Variants in PEX7 observed in about 807,000 individuals in gnomAD.
PEX7 encodes PTS2 receptor.
In PEX7, 34 loss-of-function variants were observed where a neutral mutation model predicts 47.5. The ratio of observed to expected loss-of-function variants is 0.72; its 90% CI spans 0.54 to 0.95. The LOEUF (loss-of-function observed/expected upper bound fraction) is 0.95. Ranked by LOEUF, PEX7 falls within the 40% of genes least tolerant of loss-of-function variation. The probability of loss-of-function intolerance (pLI) is 0.00; values close to 1 mark genes in which losing one functional copy is unlikely to be tolerated. For synonymous variants in PEX7, 141 were observed against 148.8 expected (o/e 0.95, Z 0.38); for missense variants, 394 against 400.3 (o/e 0.98, Z 0.13).
chr6:136,897,303 G>C (rs922469282), intron 8 of PEX7, among the ~76,000 whole-genome samples: 1 of 152,174 alleles, frequency 6.6e-6, no homozygotes, highest in Non-Finnish European at 1.5e-5. Context: ...ATATGACTCT[G>C]TGATCCTGAA....
At chr6:136,832,975 C>T (rs1340410313) in intron 3 of PEX7, among the ~76,000 whole-genome samples, 1 of 152,244 alleles carries the variant, frequency 6.6e-6, no homozygotes, top group Non-Finnish European at 1.5e-5. Context: ...AGCCCTCACA[C>T]TGTTCCAGCC....
Position 136,858,102 on chromosome 6 carries a change from C to G in PEX7, c.527-8525C>G, listed in dbSNP as rs572210212. Among the ~76,000 whole-genome samples the G allele has an allele frequency of 1.4e-4, 21 of 152,360 alleles. No homozygotes were observed. The South Asian group carries it at 3.5e-3, about 26-fold the overall frequency. On this transcript the variant is annotated intron_variant, in intron 5 of 9. Coordinates refer to ENST00000318471, the MANE Select transcript of PEX7 (RefSeq NM_000288.4). ...AAAGTGCTGGGATTACAGGCATGAG[C>G]CACTGCACCCGACCTTAAGTATTAC...
rs952687812 is a variant in PEX7 at position 136,860,014 on chromosome 6, G to GA, written c.527-6600dup. On this transcript the variant is annotated intron_variant, in intron 5 of 9. Transcript: ENST00000318471. ...GGTGACAGAGTTAGACTCTGTCTCA[G>GA]AAAAAAAAAAAAAGAAAAAAAAATT... Among the ~76,000 whole-genome samples, 731 of 129,592 alleles carry GA rather than the reference G, an allele frequency of 5.6e-3. 13 individuals are homozygous for GA. The highest frequency in any genetic ancestry group is 0.045 in the South Asian group (186 of 4,130). The allele number at this position is 129,592 out of a possible 152,430, so 85.0% of individuals were successfully genotyped here. A position where few individuals can be genotyped will look rare whatever the true frequency, so the allele number is the denominator to read the frequency against.
At chr6:136,896,264 C>T (rs1775648923) in intron 8 of PEX7, among the ~76,000 whole-genome samples, 2 of 152,132 alleles carry the variant, frequency 1.3e-5, no homozygotes, top group South Asian at 2.1e-4. Context: ...GAATATTTAG[C>T]GTATCCATTC....
intron 9 of PEX7, among the ~76,000 whole-genome samples, chr6:136,911,618 G>T (rs1582785367): frequency 6.6e-6 from 1 of 152,014 alleles, no homozygotes; most frequent in Non-Finnish European, 1.5e-5. Context: ...TGGTGCCCAG[G>T]CTGGTCTCAA....
At chr6:136,844,491 T>C (rs1322203130) in intron 3 of PEX7, among the ~76,000 whole-genome samples, 1 of 152,228 alleles carries the variant, frequency 6.6e-6, no homozygotes, top group Non-Finnish European at 1.5e-5. Flanking sequence ...GTTACCATTT[T>C]CTTGTGTGTG....
At chr6:136,862,820 T>C (rs904695029) in intron 5 of PEX7, among the ~76,000 whole-genome samples, 2 of 152,188 alleles carry the variant, frequency 1.3e-5, no homozygotes, top group Middle Eastern at 3.2e-3. Context: ...TGGTCTTGCC[T>C]GGACCTGCCT....
At chr6:136,858,774 G>T (rs984765979) in intron 5 of PEX7, among the ~76,000 whole-genome samples, 1 of 152,148 alleles carries the variant, frequency 6.6e-6, no homozygotes, top group Non-Finnish European at 1.5e-5. Flanking sequence ...TTTCAGTGCC[G>T]AATTCAGAGA....
At chr6:136,823,404 T>C in intron 1 of PEX7, 1 of 962,744 alleles carries the variant, frequency 1.0e-6, no homozygotes, top group South Asian at 4.8e-5. Context: ...CTCCAGTTAA[T>C]TGTCTCCCGT....
chr6:136,846,080 C>T lies in PEX7; in HGVS notation c.425C>T (p.Pro142Leu). The T allele has an allele frequency of 6.2e-7, 1 of 1,605,248 alleles. No individual in the cohort carries two copies. Among genetic ancestry groups the T allele is most frequent in the Admixed American group, 1.7e-5 (1 of 59,972 alleles). Residue 142 changes from proline (P) to leucine (L), a missense_variant, in exon 5 of 10, where the codon CCA (proline) becomes CTA (leucine). Coordinates refer to ENST00000318471, the MANE Select transcript of PEX7 (RefSeq NM_000288.4). ...CTATTCATTTATTTGTAGTGGGATC[C>T]AACTGTTGGAAAGTCTCTGTGCACC... ...SWDQTVKLWD[P>L]TVGKSLCTFR...
chr6:136,864,315 TAAA>T (rs3041780), intron 5 of PEX7, among the ~76,000 whole-genome samples: 3 of 151,114 alleles, frequency 2.0e-5, no homozygotes, highest in East Asian at 1.9e-4. Flanking sequence ...TTTTTTCTCA[TAAA>T]AAAAAAACAC....
intron 5 of PEX7, among the ~76,000 whole-genome samples, chr6:136,858,709 A>G (rs1200894034): frequency 2.6e-5 from 4 of 152,212 alleles, no homozygotes; most frequent in African/African-American, 9.6e-5. Flanking sequence ...TGGGAATTGC[A>G]TGTCTGTTTT....
intron 9 of PEX7, among the ~76,000 whole-genome samples, chr6:136,912,757 A>G (rs919700975): frequency 6.6e-6 from 1 of 152,234 alleles, no homozygotes; most frequent in Admixed American, 6.5e-5. Context: ...AAACGAGTAT[A>G]TAGAAACACA....
chr6:136,897,224 T>C (rs1368926981), intron 8 of PEX7, among the ~76,000 whole-genome samples: 2 of 152,216 alleles, frequency 1.3e-5, no homozygotes, highest in African/African-American at 2.4e-5. Flanking sequence ...GTGTATTTAC[T>C]CTCTTTCAAA....
At chr6:136,831,997 A>T (rs1206016037) in intron 3 of PEX7, among the ~76,000 whole-genome samples, 1 of 152,236 alleles carries the variant, frequency 6.6e-6, no homozygotes, top group Non-Finnish European at 1.5e-5. Context: ...CAACTCCAGT[A>T]GGCAGTGCCC....
chr6:136,875,495 C>A (rs1775255029), intron 8 of PEX7, among the ~76,000 whole-genome samples: 1 of 152,116 alleles, frequency 6.6e-6, no homozygotes, highest in Admixed American at 6.5e-5. Context: ...ACTTTTATTG[C>A]ATTAAAATCA....
chr6:136,843,220 C>T lies in PEX7; in HGVS notation c.340-2395C>T, dbSNP rs546024420. Among the ~76,000 whole-genome samples, 61 of 152,192 alleles carry T rather than the reference C, an allele frequency of 4.0e-4. 2 individuals carry two copies. Among genetic ancestry groups the T allele is most frequent in the Admixed American group, 3.3e-3 (50 of 15,284 alleles). ...GGACTCTGGACAAGTTACTTAACCT[C>T]TCTGGGCCTTGATATAGTATCTACT... On this transcript the variant is annotated intron_variant, in intron 3 of 9. Transcript: ENST00000318471.
intron 5 of PEX7, among the ~76,000 whole-genome samples, chr6:136,846,510 C>T: frequency 6.6e-6 from 1 of 151,734 alleles, no homozygotes; most frequent in East Asian, 1.9e-4. Context: ...CACCCCATGA[C>T]AGGCCCCGGT....
intron 5 of PEX7, among the ~76,000 whole-genome samples, chr6:136,852,881 G>T (rs1002831887): frequency 1.1e-4 from 11 of 104,060 alleles, no homozygotes; most frequent in Non-Finnish European, 1.9e-5. Context: ...GAACAAAGCT[G>T]GAGGCATCAC....
Sources: gnomAD v4.1 joint callset for allele counts (sites outside exome capture counted in the v4.1 genomes callset) on GRCh38, gnomAD v4.1.1 for gene constraint, MANE v1.5 for transcripts, NCBI Gene and HGNC (gene_info 2026-07-23, HGNC 2026-07-21) for gene names.